The following ZNF618 variants were observed in gnomAD, a reference collection of about 807,000 sequenced individuals.
ZNF618 encodes neural precursor cell expressed, developmentally down-regulated 10.
In ZNF618, 34 loss-of-function variants were observed where a neutral mutation model predicts 103.0. The observed-to-expected ratio is 0.33, with a 90% confidence interval of 0.25 to 0.44. ZNF618 has a LOEUF of 0.44. Among genes scored for constraint, ZNF618 ranks in the 20% least tolerant of loss-of-function variants. ZNF618 has a pLI of 1.00. For missense variants in ZNF618, 1,059 were observed against 1,295.4 expected, an observed-to-expected ratio of 0.82 and a Z score of 2.80; for synonymous variants, 551 against 542.2, an observed-to-expected ratio of 1.02 and a Z score of -0.23.
chr9:114,009,769 C>T (rs10759676), intron 9 of ZNF618, among the ~76,000 whole-genome samples: 44,330 of 151,896 alleles, frequency 0.29, 7,905 homozygotes, highest in East Asian at 0.61. Context: ...AAGTTGGATA[C>T]GTTCCTCAGG....
rs950654080 is a variant in ZNF618, at chr9:114,035,357, G to A, written c.1169-943G>A. On this transcript the variant is annotated intron_variant, in intron 12 of 14. Transcript: ENST00000374126. ...GATGGGCCTTGGGCTGCCCTCCCGG[G>A]CAGACCCGGCAGCTGGTGGAGGCAG... The A allele has an allele frequency of 9.5e-6, 6 of 632,894 alleles. No homozygotes were observed. The African/African-American group carries it at 9.9e-5, about 10-fold the overall frequency. The allele number at this position is 632,894 out of a possible 1,614,324, so 39.2% of individuals were successfully genotyped here.
chr9:113,940,775 A>G (rs1373644348), intron 1 of ZNF618, among the ~76,000 whole-genome samples: 1 of 152,144 alleles, frequency 6.6e-6, no homozygotes, highest in Non-Finnish European at 1.5e-5. Flanking sequence ...TTCGTCATTG[A>G]TAACATCTGG....
chr9:114,010,318 AAG>A (rs1363869800), intron 9 of ZNF618, among the ~76,000 whole-genome samples: 18 of 144,244 alleles, frequency 1.2e-4, no homozygotes, highest in Admixed American at 6.2e-4. Context: ...AAAAAAAAAA[AAG>A]ATGAAGAATA....
chr9:113,991,724 C>T (rs899807789), intron 3 of ZNF618, among the ~76,000 whole-genome samples: 1 of 152,182 alleles, frequency 6.6e-6, no homozygotes, highest in Admixed American at 6.5e-5. Flanking sequence ...TCAGTTTTCT[C>T]CCCTGGGAAC....
intron 10 of ZNF618, among the ~76,000 whole-genome samples, chr9:114,027,458 A>C (rs1305043125): frequency 2.0e-5 from 3 of 152,186 alleles, no homozygotes; most frequent in African/African-American, 7.2e-5. Flanking sequence ...ACGGGGGAGA[A>C]TGGGCAGCCC....
chr9:113,985,278 A>G (rs1022772495), intron 2 of ZNF618, among the ~76,000 whole-genome samples: 7 of 152,100 alleles, frequency 4.6e-5, no homozygotes, highest in Admixed American at 3.9e-4. Flanking sequence ...TGCTTGGCCC[A>G]TTTCACTCCA....
chr9:113,942,732 G>GA (rs1334774589), intron 1 of ZNF618, among the ~76,000 whole-genome samples: 3 of 152,180 alleles, frequency 2.0e-5, no homozygotes, highest in Non-Finnish European at 4.4e-5. Context: ...ATTTGTGGTT[G>GA]AATGACAGTC....
In ZNF618 at chr9:114,055,663, TCTGA is replaced by T. The variant is rs1846432228; in HGVS notation, c.*5500_*5503del. 1 of 148,540 alleles carries T rather than the reference TCTGA, an allele frequency of 6.7e-6. No homozygotes were observed. Among genetic ancestry groups the T allele is most frequent in the African/African-American group, 2.5e-5 (1 of 39,936 alleles). 9.2% of individuals were successfully genotyped at this position (148,540 alleles called of 1,614,324 possible). ...CGTTCTAGGCAATACCATAGACACA[TCTGA>T]CTGTGTCTCTCTCTTTGAGTGCAAG... On this transcript the variant is annotated 3_prime_UTR_variant, in exon 15 of 15. Transcript: ENST00000374126.
intron 1 of ZNF618, among the ~76,000 whole-genome samples, chr9:113,895,278 G>A (rs970478612): frequency 6.6e-6 from 1 of 152,064 alleles, no homozygotes; most frequent in African/African-American, 2.4e-5. Context: ...GGGGGTAAAA[G>A]GATGATGAAT....
intron 1 of ZNF618, among the ~76,000 whole-genome samples, chr9:113,956,836 AATAAATC>A (rs754149842): frequency 3.9e-5 from 6 of 152,272 alleles, no homozygotes; most frequent in Non-Finnish European, 7.3e-5. Context: ...GTTAACTACT[AATAAATC>A]ATTTTATAAA....
chr9:113,951,442 C>A (rs999226098), intron 1 of ZNF618, among the ~76,000 whole-genome samples: 1 of 49,256 alleles, frequency 2.0e-5, no homozygotes, highest in Non-Finnish European at 4.0e-5. Context: ...TATATATATA[C>A]ATATATGTGT....
At chr9:113,898,414 A>C (rs1830224433) in intron 1 of ZNF618, among the ~76,000 whole-genome samples, 1 of 148,834 alleles carries the variant, frequency 6.7e-6, no homozygotes, top group South Asian at 2.1e-4. Context: ...AAATGATGTC[A>C]GTAGCTGCTT....
chr9:113,998,200 C>A, intron 3 of ZNF618, 59 bp from the exon 4 acceptor site: 1 of 1,507,436 alleles, frequency 6.6e-7, no homozygotes. Context: ...CGCCCCTTCC[C>A]TAACCTTCCA....
chr9:113,891,181 C>T (rs1829586081), intron 1 of ZNF618, among the ~76,000 whole-genome samples: 1 of 152,118 alleles, frequency 6.6e-6, no homozygotes. Flanking sequence ...AAAGACTTCT[C>T]CATATTAAGA....
chr9:113,922,342 G>A (rs980893681), intron 1 of ZNF618, among the ~76,000 whole-genome samples: 2 of 152,160 alleles, frequency 1.3e-5, no homozygotes, highest in African/African-American at 2.4e-5. Context: ...AGGGCTGGAC[G>A]GGGCAGAGGG....
At chr9:113,978,865 T>A in intron 2 of ZNF618, among the ~76,000 whole-genome samples, 1 of 152,086 alleles carries the variant, frequency 6.6e-6, no homozygotes, top group East Asian at 1.9e-4. Flanking sequence ...ATGGTGTAGG[T>A]GTGGGCCCGG....
chr9:114,007,049 A>C (rs892020935), intron 6 of ZNF618, among the ~76,000 whole-genome samples: 2 of 152,222 alleles, frequency 1.3e-5, no homozygotes, highest in African/African-American at 4.8e-5. Flanking sequence ...ATTAGAAGTC[A>C]GTTACCAGGT....
At position 114,049,612 on chromosome 9, in the gene ZNF618, G is replaced by C. The variant is rs953144111; in HGVS notation, c.2310G>C (p.Leu770=). 1 of 1,613,864 alleles carries C rather than the reference G, an allele frequency of 6.2e-7. No homozygotes were observed. The highest frequency in any genetic ancestry group is 8.5e-7 in the Non-Finnish European group (1 of 1,179,910). ...CCACCTACGTCAGGCTGGAGAAGCT[G>C]TTCACGGCCAAGGCCAACGACGCAG... ...VLPTYVRLEK[L]FTAKANDAGT... is the part of the protein sequence containing the mutation. The change falls in exon 15 of 15, where the codon CTG becomes CTC. Residue 770 remains leucine (L), a synonymous_variant. Transcript: ENST00000374126.
At chr9:114,024,684 C>T (rs375411861) in intron 10 of ZNF618, among the ~76,000 whole-genome samples, 1 of 150,016 alleles carries the variant, frequency 6.7e-6, no homozygotes, top group Admixed American at 6.6e-5. Context: ...TCCAAAATAT[C>T]TCCTACTCTT....
Sources: gnomAD v4.1 joint callset for allele counts (sites outside exome capture counted in the v4.1 genomes callset) on GRCh38, gnomAD v4.1.1 for gene constraint, MANE v1.5 for transcripts, NCBI Gene and HGNC (gene_info 2026-07-23, HGNC 2026-07-21) for gene names.